Variants in ASIC2 observed in about 807,000 individuals in gnomAD.
ASIC2 encodes the protein acid sensing ion channel subunit 2.
A neutral mutation model predicts 57.3 loss-of-function variants in ASIC2; 25 were observed. That is an observed-to-expected ratio of 0.44 (90% CI 0.32 to 0.61). The LOEUF (loss-of-function observed/expected upper bound fraction) is 0.61, where lower values mean the gene tolerates loss of function less well. Ranked by LOEUF, ASIC2 falls within the 20% of genes least tolerant of loss-of-function variation. The pLI is 0.06. For synonymous variants in ASIC2, 319 were observed against 307.5 expected (o/e 1.04, Z -0.39); for missense variants, 641 against 738.1 (o/e 0.87, Z 1.52).
At chr17:33,599,281 C>A (rs1034944537) in intron 1 of ASIC2, among the ~76,000 whole-genome samples, 3 of 152,156 alleles carry the variant, frequency 2.0e-5, no homozygotes, top group African/African-American at 7.2e-5. Context: ...ACAAAAGATA[C>A]CTCTTGCCCT....
At chr17:33,900,176 T>C (rs1239048501) in intron 1 of ASIC2, among the ~76,000 whole-genome samples, 2 of 152,244 alleles carry the variant, frequency 1.3e-5, no homozygotes, top group African/African-American at 4.8e-5. Context: ...ATAAGTATCA[T>C]ATGCATTCTT....
chr17:33,845,040 T>C (rs1378142683), intron 1 of ASIC2, among the ~76,000 whole-genome samples: 2 of 152,172 alleles, frequency 1.3e-5, no homozygotes, highest in Non-Finnish European at 2.9e-5. Flanking sequence ...TTTAACCACA[T>C]TGAAAATATG....
intron 2 of ASIC2, among the ~76,000 whole-genome samples, chr17:33,102,157 C>T (rs2092214489): frequency 6.6e-6 from 1 of 152,224 alleles, no homozygotes; most frequent in Admixed American, 6.5e-5. Context: ...GATTTACCTT[C>T]TCATTCTCCA....
At position 33,877,565 on chromosome 17, in the gene ASIC2, G is replaced by T. The variant is rs190759229; in HGVS notation, c.555+278413C>A. ...TCAAACTGGTGAGGCTGGGGGAGGG[G>T]CACCCGCCATTGCCCAGGCTTGAGT... On this transcript the variant is annotated intron_variant, in intron 1 of 9. Transcript: ENST00000359872. 2.0e-3 allele frequency among the ~76,000 whole-genome samples: 300 copies of T among 152,310 alleles called. 1 individual carries two copies. In the South Asian group the frequency reaches 0.04, roughly 20 times the overall value.
chr17:33,452,513 G>A (rs1204687949), intron 1 of ASIC2, among the ~76,000 whole-genome samples: 1 of 152,208 alleles, frequency 6.6e-6, no homozygotes, highest in Non-Finnish European at 1.5e-5. Flanking sequence ...TTGCCTTTGA[G>A]TAGCAGCTGA....
rs115110573 is a variant in ASIC2, at chr17:33,119,059, C to T, written c.709-6992G>A. Among the ~76,000 whole-genome samples the T allele has an allele frequency of 2.6e-3, 396 of 152,280 alleles. 2 individuals are homozygous for T. The highest frequency in any genetic ancestry group is 9.2e-3 in the African/African-American group (381 of 41,564). The stretch of plus-strand genomic sequence containing the variant: ...ATTAATAGTGCAAACAACATTTCTA[C>T]GCTGTGTACCTACTTAAGAAAATAA... On this transcript the variant is annotated intron_variant, in intron 1 of 9. Transcript: ENST00000225823.
chr17:33,076,554 G>A (rs1338553731), intron 3 of ASIC2, among the ~76,000 whole-genome samples: 1 of 152,208 alleles, frequency 6.6e-6, no homozygotes, highest in African/African-American at 2.4e-5. Context: ...CTCTTCCTCT[G>A]AGCAGCTCTC....
At chr17:33,069,467 AT>A (rs202127236) in intron 3 of ASIC2, among the ~76,000 whole-genome samples, 9 of 150,966 alleles carry the variant, frequency 6.0e-5, no homozygotes, top group African/African-American at 1.2e-4. Context: ...GGATTTGTTG[AT>A]TTTTTTTTGC....
intron 3 of ASIC2, among the ~76,000 whole-genome samples, chr17:33,079,571 C>CTGTATTTTAGAACGGTCATGT (rs1281922169): frequency 2.6e-5 from 4 of 151,902 alleles, no homozygotes; most frequent in African/African-American, 9.7e-5. Context: ...ATGAGCAGGG[C>CTGTATTTTAGAACGGTCATGT]TGTATTTTAG....
intron 1 of ASIC2, among the ~76,000 whole-genome samples, chr17:33,433,138 A>C (rs529454386): frequency 6.6e-6 from 1 of 152,228 alleles, no homozygotes; most frequent in Non-Finnish European, 1.5e-5. Flanking sequence ...TAGCAAATAC[A>C]TGGAATCAAC....
At chr17:33,634,315 TC>T (rs200158545) in intron 1 of ASIC2, among the ~76,000 whole-genome samples, 4,039 of 152,244 alleles carry the variant, frequency 0.027, 80 homozygotes, top group Non-Finnish European at 0.038. Context: ...TCTGATCCCA[TC>T]CTCTCCTAGC....
chr17:33,297,421 A>C (rs1905761981), upstream of ASIC2, among the ~76,000 whole-genome samples: 2 of 152,130 alleles, frequency 1.3e-5, no homozygotes. Flanking sequence ...TGGTGGGTGG[A>C]GAGATGAAAC....
chr17:34,027,181 G>T (rs1034975032), intron 1 of ASIC2, among the ~76,000 whole-genome samples: 6 of 152,162 alleles, frequency 3.9e-5, no homozygotes, highest in Admixed American at 3.3e-4. Flanking sequence ...TTAATAATCT[G>T]CTCACTGGGT....
intron 1 of ASIC2, among the ~76,000 whole-genome samples, chr17:33,359,264 T>G (rs7503350): frequency 0.41 from 62,657 of 152,066 alleles, 14,011 homozygotes; most frequent in African/African-American, 0.58. Context: ...GAGAATTTGG[T>G]TCTAAGGTTG....
intron 1 of ASIC2, among the ~76,000 whole-genome samples, chr17:33,359,318 T>G (rs1908508808): frequency 6.6e-6 from 1 of 152,224 alleles, no homozygotes; most frequent in Admixed American, 6.5e-5. Flanking sequence ...GCACTGATTC[T>G]CAGTATTGGG....
intron 1 of ASIC2, among the ~76,000 whole-genome samples, chr17:33,857,690 A>G (rs1417754678): frequency 6.6e-6 from 1 of 152,220 alleles, no homozygotes; most frequent in Non-Finnish European, 1.5e-5. Context: ...AGAGGAGTCA[A>G]CAGGATTAGG....
chr17:34,030,875 G>C (rs896614742), intron 1 of ASIC2, among the ~76,000 whole-genome samples: 1 of 152,264 alleles, frequency 6.6e-6, no homozygotes, highest in Non-Finnish European at 1.5e-5. Flanking sequence ...AGCTCGAACT[G>C]GGTGGAGCCC....
intron 1 of ASIC2, among the ~76,000 whole-genome samples, chr17:33,655,829 T>C (rs1907057255): frequency 6.6e-6 from 1 of 152,168 alleles, no homozygotes; most frequent in East Asian, 1.9e-4. Flanking sequence ...TAGAAAAAAA[T>C]CTTAATGAGT....
chr17:33,610,943 C>T (rs1166144424), intron 1 of ASIC2, among the ~76,000 whole-genome samples: 1 of 152,078 alleles, frequency 6.6e-6, no homozygotes, highest in Non-Finnish European at 1.5e-5. Flanking sequence ...ACAACTGGTG[C>T]CTAAAAAATT....
Sources: gnomAD v4.1 joint callset for allele counts (sites outside exome capture counted in the v4.1 genomes callset) on GRCh38, gnomAD v4.1.1 for gene constraint, MANE v1.5 for transcripts, NCBI Gene and HGNC (gene_info 2026-07-23, HGNC 2026-07-21) for gene names.